Variants in CNPY3 observed in about 807,000 individuals in gnomAD.
The protein encoded by CNPY3 is protein canopy homolog 3.
In CNPY3, 20 loss-of-function variants were observed where a neutral mutation model predicts 32.0. The ratio of observed to expected loss-of-function variants is 0.63; its 90% CI spans 0.44 to 0.91. CNPY3 has a LOEUF of 0.91. Ranked by LOEUF, CNPY3 falls within the 40% of genes least tolerant of loss-of-function variation. The pLI is 0.00. For missense variants in CNPY3, 299 were observed against 340.8 expected (o/e 0.88, Z 0.97); for synonymous variants, 138 against 142.9 (o/e 0.97, Z 0.24).
In CNPY3 at chr6:42,929,487, C is replaced by T; in HGVS notation, c.-84C>T. 6 of 1,416,164 alleles carry T rather than the reference C, an allele frequency of 4.2e-6. No individual in the cohort carries two copies. Among genetic ancestry groups the T allele is most frequent in the Non-Finnish European group, 4.7e-6 (5 of 1,062,186 alleles). The allele number at this position is 1,416,164 out of a possible 1,614,324, so 87.7% of individuals were successfully genotyped here. ...TTGCTCGGAGGCACGTGTGCAGTCC[C>T]GGAAGCGGCGAGGGGAAACTGCTCC... On this transcript the variant is annotated 5_prime_UTR_variant, in exon 1 of 6. Coordinates refer to ENST00000372836, the MANE Select transcript of CNPY3 (RefSeq NM_006586.5).
In CNPY3 at chr6:42,931,180, G is replaced by T. The variant is rs115118074; in HGVS notation, c.151+1459G>T. Among the ~76,000 whole-genome samples, 620 of 150,288 alleles carry T rather than the reference G, an allele frequency of 4.1e-3. 7 individuals are homozygous for T. Among genetic ancestry groups the T allele is most frequent in the African/African-American group, 0.014 (586 of 40,736 alleles). ...GCTGGGCTTATAGGCGTGAGCCTCTGCTCCTGGCCGCCCTTTCACTTTTCG... is the reference window on the plus strand; with the variant it reads ...GCTGGGCTTATAGGCGTGAGCCTCTTCTCCTGGCCGCCCTTTCACTTTTCG... On this transcript the variant is annotated intron_variant, in intron 1 of 5. Coordinates refer to ENST00000372836, the MANE Select transcript of CNPY3 (RefSeq NM_006586.5).
chr6:42,935,827 G>C (rs572663393), intron 3 of CNPY3, among the ~76,000 whole-genome samples, 157 bp downstream of exon 3: 44 of 152,172 alleles, frequency 2.9e-4, no homozygotes, highest in Non-Finnish European at 5.1e-4. Flanking sequence ...CTCCCCTCTT[G>C]AGTGGCCTCA....
At chr6:42,929,258 G>A (rs1767564760), upstream of CNPY3, 1 of 306,788 alleles carries the variant, frequency 3.3e-6, no homozygotes, top group South Asian at 6.4e-5. Context: ...CTCCGTTAGG[G>A]GGTGGGAAAG....
At chr6:42,932,562 G>A (rs1361240181) in intron 1 of CNPY3, among the ~76,000 whole-genome samples, 1 of 152,202 alleles carries the variant, frequency 6.6e-6, no homozygotes, top group Non-Finnish European at 1.5e-5. Flanking sequence ...ATGGGTATGA[G>A]AGAGAAAGGA....
At chr6:42,930,448 G>T (rs976485306) in intron 1 of CNPY3, among the ~76,000 whole-genome samples, 5 of 152,150 alleles carry the variant, frequency 3.3e-5, no homozygotes, top group Non-Finnish European at 7.4e-5. Flanking sequence ...AGCCCTTTGG[G>T]GGAACAATAG....
At chr6:42,930,289 A>G (rs1767698123) in intron 1 of CNPY3, among the ~76,000 whole-genome samples, 1 of 152,134 alleles carries the variant, frequency 6.6e-6, no homozygotes, top group Non-Finnish European at 1.5e-5. Context: ...TGTCTGTTGC[A>G]CCCACTAACA....
Position 42,934,573 on chromosome 6 carries a change from G to A in CNPY3, c.250G>A (p.Ala84Thr), listed in dbSNP as rs750518549. The A allele has an allele frequency of 1.9e-6, 3 of 1,614,068 alleles. No homozygotes were observed. In the South Asian group the frequency reaches 3.3e-5, roughly 18 times the overall value. ...GTGYGILDQK[A>T]SGVKYTKSDL... ...GGGCTATGGCATCCTGGACCAGAAG[G>A]CCTCTGGAGTCAAATACACCAAGTC... Residue 84 changes from alanine to threonine, a missense_variant, in exon 2 of 6, where the codon GCC (alanine) becomes ACC (threonine). Physicochemically the swap from Ala to Thr is moderately conservative, Grantham distance 58. Around this residue, in one of 2 missense-constraint regions of CNPY3, gnomAD observed 211 missense variants for 278.3 expected, o/e 0.76. Transcript: ENST00000372836.
chr6:42,929,464 G>A, upstream of CNPY3: 1 of 1,204,042 alleles, frequency 8.3e-7, no homozygotes, highest in Non-Finnish European at 1.1e-6. Context: ...TGTCGTGGTT[G>A]CTCGGAGGCA....
At chr6:42,930,583 G>A (rs1392673200) in intron 1 of CNPY3, among the ~76,000 whole-genome samples, 2 of 152,126 alleles carry the variant, frequency 1.3e-5, no homozygotes, top group East Asian at 1.9e-4. Flanking sequence ...GGACTATAAA[G>A]GACCTATTTC....
At position 42,938,649 on chromosome 6, in the gene CNPY3, G is replaced by T. The variant is rs577182193; in HGVS notation, c.695G>T (p.Arg232Met). ...AAGAAGTCCAAGAAGAAGAGCAGCA[G>T]GGCCAAGGCAGCAGGCGGCAGGAGT... ...GGKKSKKKSSRAKAAGGRSSS... is the reference protein window; with the variant it reads ...GGKKSKKKSSMAKAAGGRSSS... The change falls in exon 6 of 6, where the codon AGG becomes ATG. Residue 232 changes from arginine to methionine, a missense_variant. By Grantham distance (91) the Arg-to-Met change is moderately conservative. Coordinates refer to ENST00000372836, the MANE Select transcript of CNPY3 (RefSeq NM_006586.5). 3 of 1,612,744 alleles carry T rather than the reference G, an allele frequency of 1.9e-6. No individual in the cohort carries two copies. The highest frequency in any genetic ancestry group is 2.5e-6 in the Non-Finnish European group (3 of 1,179,398).
At position 42,935,627 on chromosome 6, in the gene CNPY3, A is replaced by G. The variant is rs1469073961; in HGVS notation, c.329A>G (p.Tyr110Cys). Residue 110 changes from tyrosine to cysteine, a missense_variant, in exon 3 of 6, where the codon TAT (tyrosine) becomes TGT (cysteine). Coordinates refer to ENST00000372836, the MANE Select transcript of CNPY3 (RefSeq NM_006586.5). ...ACCATTTGCAAGAGGCTCCTGGATTATAGCCTGCACAAGGAGAGGACCGGC... is the reference window on the plus strand; with the variant it reads ...ACCATTTGCAAGAGGCTCCTGGATTGTAGCCTGCACAAGGAGAGGACCGGC... Reference protein sequence around the residue: ...TETICKRLLDYSLHKERTGSN... With the variant: ...TETICKRLLDCSLHKERTGSN... 6.2e-7 allele frequency: 1 copy of G among 1,612,660 alleles called. No individual in the cohort carries two copies. The highest frequency in any genetic ancestry group is 1.1e-5 in the South Asian group (1 of 91,030).
At position 42,938,760 on chromosome 6, in the gene CNPY3, C is replaced by T. The variant is rs1055503092; in HGVS notation, c.806C>T (p.Pro269Leu). Residue 269 changes from proline to leucine, a missense_variant, in exon 6 of 6, where the codon CCT becomes CTT. Transcript: ENST00000372836. ...EEDEGIQKASPLTHSPPDEL is the reference protein window; with the variant it reads ...EEDEGIQKASLLTHSPPDEL ...GATGAGGGCATCCAGAAGGCATCCC[C>T]TCTCACACACAGCCCCCCTGATGAG... 5 of 1,613,012 alleles carry T rather than the reference C, an allele frequency of 3.1e-6. No individual in the cohort carries two copies. Among genetic ancestry groups the T allele is most frequent in the African/African-American group, 2.7e-5 (2 of 74,910 alleles).
Position 42,938,779 on chromosome 6 carries a change from T to G in CNPY3, c.825T>G (p.Pro275=). The change falls in exon 6 of 6, where the codon CCT becomes CCG. Residue 275 remains proline, a synonymous_variant. Transcript: ENST00000372836. ...QKASPLTHSP[P]DEL Reference sequence around the variant, plus strand: ...CATCCCCTCTCACACACAGCCCCCCTGATGAGCTCTGAGCCCACCCAGCAT... The same window carrying G: ...CATCCCCTCTCACACACAGCCCCCCGGATGAGCTCTGAGCCCACCCAGCAT... 2 of 1,608,064 alleles carry G rather than the reference T, an allele frequency of 1.2e-6. No individual in the cohort carries two copies. The highest frequency in any genetic ancestry group is 1.7e-6 in the Non-Finnish European group (2 of 1,176,478).
intron 4 of CNPY3, 103 bp downstream of exon 4, chr6:42,937,942 T>G: frequency 6.6e-7 from 1 of 1,515,710 alleles, no homozygotes; most frequent in Non-Finnish European, 9.1e-7. Flanking sequence ...GTGGCTTTGG[T>G]CAGGTCATTT....
chr6:42,931,688 C>T (rs907985243), intron 1 of CNPY3, among the ~76,000 whole-genome samples: 3 of 151,252 alleles, frequency 2.0e-5, no homozygotes, highest in African/African-American at 2.4e-5. Flanking sequence ...TTCAGCGTTT[C>T]GCTTCCTCTT....
At chr6:42,934,707 T>A in intron 2 of CNPY3, 109 bp downstream of exon 2, 1 of 1,477,288 alleles carries the variant, frequency 6.8e-7, no homozygotes, top group Non-Finnish European at 9.2e-7. Flanking sequence ...GCATCATTTG[T>A]AACCAAGACC....
At chr6:42,932,558 A>G (rs189385562) in intron 1 of CNPY3, among the ~76,000 whole-genome samples, 1 of 152,278 alleles carries the variant, frequency 6.6e-6, no homozygotes, top group Admixed American at 6.5e-5. Context: ...GTTGATGGGT[A>G]TGAGAGAGAA....
At chr6:42,931,530 C>T (rs1452611599) in intron 1 of CNPY3, among the ~76,000 whole-genome samples, 1 of 151,418 alleles carries the variant, frequency 6.6e-6, no homozygotes. Flanking sequence ...CCACCACTCC[C>T]GGCTATTTTT....
chr6:42,929,020 C>CGG (rs200370006), upstream of CNPY3, among the ~76,000 whole-genome samples: 653 of 152,200 alleles, frequency 4.3e-3, 6 homozygotes, highest in African/African-American at 0.015. Flanking sequence ...ACAAGAGTGC[C>CGG]CGGCTATAAC....
Sources: gnomAD v4.1 joint callset for allele counts (sites outside exome capture counted in the v4.1 genomes callset) on GRCh38, gnomAD v4.1.1 for gene constraint, gnomAD v4.1.1 regional missense constraint, MANE v1.5 for transcripts, NCBI Gene and HGNC (gene_info 2026-07-23, HGNC 2026-07-21) for gene names.